NOC2L: variants seen among roughly 807,000 people sequenced by gnomAD.
NOC2L encodes nucleolar complex protein 2 homolog.
In NOC2L, 101 loss-of-function variants were observed where a neutral mutation model predicts 94.2. The ratio of observed to expected loss-of-function variants is 1.07; its 90% CI spans 0.91 to 1.26. The LOEUF (loss-of-function observed/expected upper bound fraction) is 1.26, where lower values mean the gene tolerates loss of function less well. Among genes scored for constraint, NOC2L ranks in the 50% most tolerant of loss-of-function variants. The pLI is 0.00. For synonymous variants in NOC2L, 531 were observed against 413.4 expected (o/e 1.28, Z -3.45); for missense variants, 1,076 against 980.1 (o/e 1.10, Z -1.31).
At chr1:946,356 C>A (rs957821131) in intron 15 of NOC2L, 46 bp downstream of exon 15, 52 of 1,613,072 alleles carry the variant, frequency 3.2e-5, no homozygotes, top group Non-Finnish European at 4.2e-5. Context: ...TGGGGCTATA[C>A]CCTGGCAGGT....
chr1:953,138 A>G (rs1374400421), intron 9 of NOC2L, 37 bp downstream of exon 9: 3 of 1,466,754 alleles, frequency 2.0e-6, no homozygotes, highest in Non-Finnish European at 2.9e-6. Flanking sequence ...TTTCCAATGC[A>G]GATGCTGAGG....
intron 12 of NOC2L, among the ~76,000 whole-genome samples, chr1:950,633 A>T (rs1420834477): frequency 6.6e-6 from 1 of 151,272 alleles, no homozygotes; most frequent in Non-Finnish European, 1.5e-5. Flanking sequence ...GCATACACAC[A>T]TACAGATGCA....
chr1:948,321 C>A (rs567842767), intron 13 of NOC2L, 89 bp from the exon 14 acceptor site: 2 of 1,205,966 alleles, frequency 1.7e-6, no homozygotes, highest in Admixed American at 2.0e-5. Context: ...CAGGGCAGCG[C>A]CATCTCCAGG....
At chr1:946,947 C>A (rs1642131828) in intron 14 of NOC2L, 1 of 173,948 alleles carries the variant, frequency 5.7e-6, no homozygotes, top group African/African-American at 2.4e-5. Context: ...AACCCAGCTC[C>A]TTGGGAGGCT....
Position 951,191 on chromosome 1 carries a change from C to T in NOC2L, c.1379G>A (p.Arg460His), listed in dbSNP as rs775681821. ...GCTCCCCGAGAGCAGCGTCAGGGCA[C>T]GGATGCAGTGCATTCGCAGCGGGTA... ...RFYPLRMHCI[R>H]ALTLLSGSSG... Residue 460 changes from arginine (R) to histidine (H), a missense_variant, in exon 12 of 19, where the codon CGT becomes CAT. Transcript: ENST00000327044. The T allele has an allele frequency of 1.4e-5, 22 of 1,597,050 alleles. No individual in the cohort carries two copies. Among genetic ancestry groups the T allele is most frequent in the Middle Eastern group, 3.3e-4 (2 of 6,058 alleles).
chr1:952,713 A>T, intron 9 of NOC2L, 113 bp from the exon 10 acceptor site: 1 of 1,059,650 alleles, frequency 9.4e-7, no homozygotes, highest in South Asian at 1.4e-5. Flanking sequence ...GGCCTCGAGG[A>T]AGAGCCGTAG....
intron 8 of NOC2L, 119 bp from the exon 9 acceptor site, chr1:953,407 C>A: frequency 1.5e-6 from 1 of 658,338 alleles, no homozygotes; most frequent in Non-Finnish European, 2.8e-6. Flanking sequence ...CTTCCCAAAG[C>A]ACCTCGGGGG....
At chr1:950,492 G>A (rs562737022) in intron 12 of NOC2L, among the ~76,000 whole-genome samples, 2 of 151,318 alleles carry the variant, frequency 1.3e-5, no homozygotes, top group East Asian at 2.0e-4. Flanking sequence ...GGTACACACT[G>A]GTATACAAAG....
Position 953,800 on chromosome 1 carries a change from C to T in NOC2L, c.870G>A (p.Gln290=). ...LVPCFLTFPK[Q]CRMLLKRMVI... is the part of the protein sequence containing the mutation. Reference sequence around the variant, plus strand: ...CACGAACCTTGAGCAGCATGCGGCACTGCTTGGGGAAGGTCAGGAAGCAGG... The same window carrying T: ...CACGAACCTTGAGCAGCATGCGGCATTGCTTGGGGAAGGTCAGGAAGCAGG... Residue 290 remains glutamine (Q), a synonymous_variant, in exon 8 of 19, where the codon CAG becomes CAA. Coordinates refer to ENST00000327044, the MANE Select transcript of NOC2L (RefSeq NM_015658.4). The T allele has an allele frequency of 6.2e-7, 1 of 1,612,672 alleles. No individual in the cohort carries two copies. Among genetic ancestry groups the T allele is most frequent in the Non-Finnish European group, 8.5e-7 (1 of 1,179,838 alleles).
At chr1:958,821 G>A (rs1368923618) in intron 2 of NOC2L, 108 bp downstream of exon 2, 5 of 1,118,694 alleles carry the variant, frequency 4.5e-6, no homozygotes, top group African/African-American at 3.1e-5. Flanking sequence ...GGGGGGCAGA[G>A]GTCGGCGATC....
In NOC2L at chr1:952,500, A is replaced by G. The variant is rs1254005494; in HGVS notation, c.1103T>C (p.Leu368Pro). The change falls in exon 10 of 19, where the codon CTG becomes CCG. Residue 368 changes from leucine to proline, a missense_variant. This residue lies in a region of NOC2L where 615 missense variants were observed against 577.4 expected (regional missense o/e 1.07). Transcript: ENST00000327044. ...MQWTLTELLALEPGVAYQHAF... is the reference protein window; with the variant it reads ...MQWTLTELLAPEPGVAYQHAF... Reference sequence around the variant, plus strand: ...GTGCTGGTAGGCCACACCCGGCTCCAGGGCCAGCAGCTCCGTCAAGGTCCA... The same window carrying G: ...GTGCTGGTAGGCCACACCCGGCTCCGGGGCCAGCAGCTCCGTCAAGGTCCA... 3 of 1,613,840 alleles carry G rather than the reference A, an allele frequency of 1.9e-6. No homozygotes were observed. The highest frequency in any genetic ancestry group is 2.5e-6 in the Non-Finnish European group (3 of 1,180,018).
Position 958,980 on chromosome 1 carries a change from G to A in NOC2L, c.128C>T (p.Ala43Val). 6.2e-7 allele frequency: 1 copy of A among 1,612,750 alleles called. No homozygotes were observed. Among genetic ancestry groups the A allele is most frequent in the South Asian group, 1.1e-5 (1 of 91,086 alleles). The change falls in exon 2 of 19, where the codon GCA (alanine) becomes GTA (valine). Residue 43 changes from alanine to valine, a missense_variant. Ala to Val is a moderately conservative substitution (Grantham distance 64). Transcript: ENST00000327044. ...ENSPQAETRE[A>V]REAARSPDKP... The stretch of plus-strand genomic sequence containing the variant: ...ATCCGGACTCCGGGCAGCCTCGCGT[G>A]CTTCCCGTGTCTCCGCTTGTGGAGA...
At chr1:951,568 C>G (rs776603376) in intron 11 of NOC2L, among the ~76,000 whole-genome samples, 14 of 152,232 alleles carry the variant, frequency 9.2e-5, no homozygotes, top group Non-Finnish European at 1.8e-4. Context: ...CAGATGCCCC[C>G]TCCTGGCCAA....
intron 15 of NOC2L, 23 bp from the exon 16 acceptor site, chr1:946,309 G>A (rs1263687870): frequency 1.2e-6 from 2 of 1,610,294 alleles, no homozygotes; most frequent in Non-Finnish European, 8.5e-7. Flanking sequence ...GGGAGTTCAG[G>A]GTCATGCCTC....
At chr1:949,769 T>G (rs1642202894) in intron 12 of NOC2L, among the ~76,000 whole-genome samples, 1 of 152,182 alleles carries the variant, frequency 6.6e-6, no homozygotes, top group Admixed American at 6.5e-5. Flanking sequence ...AGACCACTGC[T>G]GGCTGCCATG....
At position 959,064 on chromosome 1, in the gene NOC2L, G is replaced by A. The variant is rs776138989; in HGVS notation, c.44C>T (p.Thr15Met). The change falls in exon 2 of 19, where the codon ACG becomes ATG. Residue 15 changes from threonine to methionine, a missense_variant. Coordinates refer to ENST00000327044, the MANE Select transcript of NOC2L (RefSeq NM_015658.4). ...GCCCGAAGCTAGGAACTCGTCCACC[G>A]TCAGCTCCGCCAGGCGCCTGCGGGT... ...GSRKRRLAEL[T>M]VDEFLASGFD... 1.9e-6 allele frequency: 3 copies of A among 1,609,280 alleles called. No homozygotes were observed. The highest frequency in any genetic ancestry group is 2.5e-6 in the Non-Finnish European group (3 of 1,177,450).
intron 14 of NOC2L, chr1:946,879 A>G (rs1569935869): frequency 4.8e-6 from 1 of 206,284 alleles, no homozygotes; most frequent in Non-Finnish European, 9.9e-6. Context: ...CCAACGTGGC[A>G]AAACCCCGTC....
In NOC2L at chr1:944,748, C is replaced by T. The variant is rs908723971; in HGVS notation, c.2196G>A (p.Leu732=). 6.2e-7 allele frequency: 1 copy of T among 1,600,208 alleles called. No individual in the cohort carries two copies. The highest frequency in any genetic ancestry group is 1.3e-5 in the African/African-American group (1 of 74,824). The change falls in exon 19 of 19, where the codon CTG becomes CTA. Residue 732 remains leucine (L), a synonymous_variant. Transcript: ENST00000327044. ...AGLAPGELQQ[L]AQGPEDELED... ...CCAGCTCGTCCTCCGGCCCCTGGGC[C>T]AGCTGCTGCAGCTCCCCAGGGGCCA...
chr1:952,159 T>C lies in NOC2L; in HGVS notation c.1192-20A>G, dbSNP rs201583874. 1.4e-3 allele frequency: 2,269 copies of C among 1,613,036 alleles called. 8 individuals carry two copies. Among genetic ancestry groups the C allele is most frequent in the Non-Finnish European group, 1.5e-3 (1,758 of 1,179,744 alleles). On this transcript the variant is annotated intron_variant, in intron 10 of 18. Transcript: ENST00000327044. Reference sequence around the variant, plus strand: ...TGTTTCCTGGTCAGAGAGAACCACGTCAGCTACTGGCCAGGCTGACAAGTC... The same window carrying C: ...TGTTTCCTGGTCAGAGAGAACCACGCCAGCTACTGGCCAGGCTGACAAGTC...
Sources: gnomAD v4.1 joint callset for allele counts (sites outside exome capture counted in the v4.1 genomes callset) on GRCh38, gnomAD v4.1.1 for gene constraint, gnomAD v4.1.1 regional missense constraint, MANE v1.5 for transcripts, NCBI Gene and HGNC (gene_info 2026-07-23, HGNC 2026-07-21) for gene names.